ROCK1: variants seen among roughly 807,000 people sequenced by gnomAD.
ROCK1 encodes Rho associated coiled-coil containing protein kinase 1, also known as rho-associated protein kinase 1.
A neutral mutation model predicts 196.8 loss-of-function variants in ROCK1; 36 were observed. The observed-to-expected ratio is 0.18, with a 90% CI of 0.14 to 0.24. ROCK1 has a LOEUF of 0.24. Among genes scored for constraint, ROCK1 ranks in the 10% least tolerant of loss-of-function variants. ROCK1 has a pLI of 1.00. For synonymous variants in ROCK1, 443 were observed against 515.9 expected (o/e 0.86, Z 1.91); for missense variants, 920 against 1,562.0 (o/e 0.59, Z 6.93).
intron 13 of ROCK1, among the ~76,000 whole-genome samples, chr18:21,011,219 T>A (rs1043534953): frequency 6.6e-6 from 1 of 152,188 alleles, no homozygotes; most frequent in African/African-American, 2.4e-5. Context: ...TTTTGTTTGA[T>A]CTCTGTTATT....
intron 1 of ROCK1, among the ~76,000 whole-genome samples, chr18:21,072,272 C>A (rs1264222551): frequency 2.0e-5 from 3 of 152,200 alleles, no homozygotes; most frequent in Non-Finnish European, 4.4e-5. Flanking sequence ...TTTAATTCTA[C>A]AATACCATGG....
intron 11 of ROCK1, among the ~76,000 whole-genome samples, 169 bp downstream of exon 11, chr18:21,023,451 A>G (rs2035930953): frequency 6.6e-6 from 1 of 152,204 alleles, no homozygotes; most frequent in Admixed American, 6.5e-5. Context: ...TTGATATTTG[A>G]GCAAAAAATC....
intron 13 of ROCK1, among the ~76,000 whole-genome samples, chr18:21,014,970 T>C (rs1345006621): frequency 6.6e-6 from 1 of 152,200 alleles, no homozygotes; most frequent in Admixed American, 6.5e-5. Flanking sequence ...TAATAAAAAA[T>C]TTTGACAGGT....
Position 20,991,260 on chromosome 18 carries a change from C to T in ROCK1, c.2059G>A (p.Glu687Lys). Residue 687 changes from glutamate (E) to lysine (K), a missense_variant, in exon 18 of 33, where the codon GAG (glutamate) becomes AAG (lysine). Glu to Lys is a moderately conservative substitution (Grantham distance 56). Transcript: ENST00000399799. ...TTGGTTACTTTGTGTTCATTTACCT[C>T]TTGTTCTAACCGTTGTTGTAATGAT... ...LKSLQQRLEQ[E>K]VNEHKVTKAR... 5 of 1,609,644 alleles carry T rather than the reference C, an allele frequency of 3.1e-6. 1 individual carries two copies. In the South Asian group the frequency reaches 5.5e-5, roughly 18 times the overall value.
intron 1 of ROCK1, among the ~76,000 whole-genome samples, chr18:21,101,176 T>G (rs1382073429): frequency 1.3e-5 from 2 of 152,212 alleles, no homozygotes; most frequent in Non-Finnish European, 2.9e-5. Context: ...AGTTCTACTC[T>G]TAACAGAGGA....
At chr18:21,021,163 T>C (rs1267027777) in intron 11 of ROCK1, among the ~76,000 whole-genome samples, 3 of 152,122 alleles carry the variant, frequency 2.0e-5, no homozygotes, top group Non-Finnish European at 4.4e-5. Flanking sequence ...AGAATAGATA[T>C]AATACCATTA....
intron 27 of ROCK1, chr18:20,960,516 T>C: frequency 4.4e-6 from 1 of 226,430 alleles, no homozygotes; most frequent in Non-Finnish European, 8.5e-6. Context: ...TGGGATATGA[T>C]GTAGAAGACT....
intron 17 of ROCK1, among the ~76,000 whole-genome samples, 192 bp downstream of exon 17, chr18:20,992,639 A>G (rs2035636233): frequency 6.6e-6 from 1 of 152,220 alleles, no homozygotes; most frequent in Admixed American, 6.5e-5. Flanking sequence ...GGGTAAAAAC[A>G]AAAATAACAA....
At chr18:20,965,903 C>T (rs1598510432) in intron 27 of ROCK1, among the ~76,000 whole-genome samples, 1 of 152,110 alleles carries the variant, frequency 6.6e-6, no homozygotes, top group Admixed American at 6.5e-5. Context: ...GAATTCATTT[C>T]CCACTTTGAG....
At chr18:21,100,976 C>T (rs541796470) in intron 1 of ROCK1, among the ~76,000 whole-genome samples, 1 of 152,286 alleles carries the variant, frequency 6.6e-6, no homozygotes, top group East Asian at 1.9e-4. Context: ...ATTATCTATA[C>T]CTTTGTAAAC....
intron 2 of ROCK1, among the ~76,000 whole-genome samples, chr18:21,050,498 T>C (rs1187914167): frequency 6.6e-6 from 1 of 152,144 alleles, no homozygotes; most frequent in African/African-American, 2.4e-5. Context: ...CTACAATAAT[T>C]CACAAATCCC....
At chr18:21,014,681 A>G (rs2035848186) in intron 13 of ROCK1, among the ~76,000 whole-genome samples, 1 of 152,236 alleles carries the variant, frequency 6.6e-6, no homozygotes, top group South Asian at 2.1e-4. Flanking sequence ...AAATCTTCAT[A>G]GATATCCAAA....
intron 2 of ROCK1, among the ~76,000 whole-genome samples, chr18:21,060,337 CATT>C (rs2036278014): frequency 6.6e-6 from 1 of 152,126 alleles, no homozygotes; most frequent in African/African-American, 2.4e-5. Context: ...CTATGAAAGA[CATT>C]ATGCAAATGA....
chr18:21,090,470 CTG>C (rs2036560312), intron 1 of ROCK1, among the ~76,000 whole-genome samples: 1 of 152,132 alleles, frequency 6.6e-6, no homozygotes, highest in Admixed American at 6.6e-5. Flanking sequence ...TTTTGAGACT[CTG>C]TATCAAAAAA....
At chr18:21,072,262 T>C (rs1429470164) in intron 1 of ROCK1, among the ~76,000 whole-genome samples, 3 of 152,252 alleles carry the variant, frequency 2.0e-5, no homozygotes, top group African/African-American at 7.2e-5. Flanking sequence ...TACCACACAC[T>C]TTAATTCTAC....
Position 21,111,008 on chromosome 18 carries a change from G to C in ROCK1, c.-98C>G. 1 of 997,646 alleles carries C rather than the reference G, an allele frequency of 1.0e-6. No individual in the cohort carries two copies. The highest frequency in any genetic ancestry group is 1.4e-5 in the South Asian group (1 of 72,888). 61.8% of individuals were successfully genotyped at this position (997,646 alleles called of 1,614,324 possible). A position where few individuals can be genotyped will look rare whatever the true frequency, so the allele number is the denominator to read the frequency against. On this transcript the variant is annotated 5_prime_UTR_variant, in exon 1 of 33. Coordinates refer to ENST00000399799, the MANE Select transcript of ROCK1 (RefSeq NM_005406.3). This position sits in a 1 kb window ranked among gnomAD's most constrained non-coding sequence, Gnocchi z 4.2. ...GGTGGGTTCGCAGCCGCGGGGCGGA[G>C]GAGCCGGAACCTCAGGGTCACCAGG...
intron 13 of ROCK1, among the ~76,000 whole-genome samples, chr18:21,011,603 G>A (rs2035817759): frequency 6.6e-6 from 1 of 152,180 alleles, no homozygotes; most frequent in Non-Finnish European, 1.5e-5. Flanking sequence ...CTACAGGCGT[G>A]CACTACCACA....
intron 13 of ROCK1, among the ~76,000 whole-genome samples, chr18:21,011,354 T>A (rs1227284490): frequency 1.3e-5 from 2 of 152,226 alleles, no homozygotes; most frequent in East Asian, 3.8e-4. Context: ...GCCCTAGATA[T>A]TACATTGTAT....
At chr18:20,959,155 T>TA (rs2035298428) in intron 29 of ROCK1, among the ~76,000 whole-genome samples, 1 of 70,944 alleles carries the variant, frequency 1.4e-5, no homozygotes, top group African/African-American at 6.7e-5. Flanking sequence ...AAAATATATA[T>TA]ATTATATATT....
Sources: allele counts gnomAD v4.1 joint callset (sites outside exome capture counted in the v4.1 genomes callset), GRCh38; gene constraint gnomAD v4.1.1; non-coding constraint Gnocchi (gnomAD v3.1); transcripts MANE v1.5; gene names NCBI Gene and HGNC (gene_info 2026-07-23, HGNC 2026-07-21).